Variants in HTR2C observed in about 807,000 individuals in gnomAD.
HTR2C encodes 5-hydroxytryptamine (serotonin) receptor 2C, G protein-coupled.
HTR2C carries 5 observed loss-of-function variants against 21.0 expected under a neutral mutation model. The ratio of observed to expected loss-of-function variants is 0.24; its 90% CI spans 0.12 to 0.50. The LOEUF is 0.50. Among genes scored for constraint, HTR2C ranks in the 20% least tolerant of loss-of-function variants. The pLI, the probability that HTR2C is intolerant of heterozygous loss-of-function variation, is 0.98. For missense variants in HTR2C, 271 were observed against 371.2 expected (o/e 0.73, Z 2.22); for synonymous variants, 150 against 145.3 (o/e 1.03, Z -0.23).
At chrX:114,803,000 T>G (rs1459727474) in intron 4 of HTR2C, among the ~76,000 whole-genome samples, 4 of 82,962 alleles carry the variant, frequency 4.8e-5, no homozygotes, top group Non-Finnish European at 9.3e-5. Flanking sequence ...TTTGTTCTTG[T>G]GATAGTTTAC....
rs1178968836 is a variant in HTR2C, at chrX:114,831,750, G to A, written c.350-16253G>A. ...GGCTTTTGTTGCCATTGCTTTTGATGTTTTAGACATGAAGTCCTTGCCCAT... is the reference window on the plus strand; with the variant it reads ...GGCTTTTGTTGCCATTGCTTTTGATATTTTAGACATGAAGTCCTTGCCCAT... On this transcript the variant is annotated intron_variant, in intron 4 of 5. Transcript: ENST00000276198. Among the ~76,000 whole-genome samples, 78 of 106,369 alleles carry A rather than the reference G, an allele frequency of 7.3e-4. 1 individual carries two copies. Among genetic ancestry groups the A allele is most frequent in the African/African-American group, 2.6e-3 (75 of 29,180 alleles). 92.4% of individuals were successfully genotyped at this position (106,369 alleles called of 115,157 possible).
At chrX:114,809,667 C>T (rs1056268945) in intron 4 of HTR2C, among the ~76,000 whole-genome samples, 1 of 110,810 alleles carries the variant, frequency 9.0e-6, no homozygotes, top group Non-Finnish European at 1.9e-5. Context: ...TTCATTCAGG[C>T]CAGTGGGCTC....
At chrX:114,878,422 T>C (rs1161870643) in intron 5 of HTR2C, among the ~76,000 whole-genome samples, 4 of 111,119 alleles carry the variant, frequency 3.6e-5, no homozygotes, top group Admixed American at 9.6e-5. Flanking sequence ...AGTTTTTCAT[T>C]AATGTCCACT....
chrX:114,845,550 A>G (rs1235826399), intron 4 of HTR2C, among the ~76,000 whole-genome samples: 1 of 111,505 alleles, frequency 9.0e-6, no homozygotes. Context: ...TAGGAAAAAT[A>G]TAAGGACAAT....
At chrX:114,873,984 C>G (rs2071112178) in intron 5 of HTR2C, among the ~76,000 whole-genome samples, 1 of 110,466 alleles carries the variant, frequency 9.1e-6, no homozygotes, top group African/African-American at 3.3e-5. Flanking sequence ...TCTCTGCTCC[C>G]GTGAGTTACA....
At chrX:114,825,798 CTGTTATTATATTTTAAA>C (rs1188175822) in intron 4 of HTR2C, among the ~76,000 whole-genome samples, 11 of 111,124 alleles carry the variant, frequency 9.9e-5, no homozygotes, top group Non-Finnish European at 1.7e-4. Flanking sequence ...TTTTGAAGCC[CTGTTATTATATTTTAAA>C]TGTTATTATA....
intron 4 of HTR2C, among the ~76,000 whole-genome samples, chrX:114,749,698 TAAAAAACAAAAACAACA>T (rs1340526207): frequency 9.1e-6 from 1 of 109,444 alleles, no homozygotes; most frequent in Non-Finnish European, 1.9e-5. Flanking sequence ...AAGACACTGT[TAAAAAACAAAAACAACA>T]AAAAAACAAA....
intron 2 of HTR2C, among the ~76,000 whole-genome samples, chrX:114,669,259 T>A (rs1242900976): frequency 8.1e-5 from 9 of 111,751 alleles, no homozygotes; most frequent in Non-Finnish European, 1.5e-4. Context: ...CTAAGAACCA[T>A]ATACACACAA....
intron 5 of HTR2C, among the ~76,000 whole-genome samples, chrX:114,854,091 A>T (rs1295207735): frequency 2.7e-5 from 3 of 111,106 alleles, no homozygotes; most frequent in African/African-American, 9.8e-5. Context: ...GCTTTACCAC[A>T]AACCAAATCT....
intron 2 of HTR2C, among the ~76,000 whole-genome samples, chrX:114,641,510 T>C (rs190873389): frequency 2.1e-3 from 235 of 111,358 alleles, no homozygotes; most frequent in South Asian, 4.1e-3. Context: ...ATTTGATTAG[T>C]TTTCAAAGTA....
intron 5 of HTR2C, among the ~76,000 whole-genome samples, chrX:114,848,883 C>G (rs1444910212): frequency 9.0e-6 from 1 of 111,200 alleles, no homozygotes; most frequent in African/African-American, 3.3e-5. Context: ...ATATTAAAGC[C>G]AAGAAATTTA....
At chrX:114,738,932 A>T in intron 4 of HTR2C, among the ~76,000 whole-genome samples, 1 of 110,747 alleles carries the variant, frequency 9.0e-6, no homozygotes. Flanking sequence ...TAACATTATT[A>T]CTAATAAGCA....
intron 4 of HTR2C, among the ~76,000 whole-genome samples, chrX:114,771,517 A>G (rs2070003550): frequency 9.0e-6 from 1 of 111,311 alleles, no homozygotes; most frequent in Non-Finnish European, 1.9e-5. Context: ...ACAAGTCAAT[A>G]TTAGCTTTTA....
chrX:114,606,944 A>C (rs1308182427), intron 1 of HTR2C, among the ~76,000 whole-genome samples: 1 of 108,636 alleles, frequency 9.2e-6, no homozygotes, highest in Non-Finnish European at 1.9e-5. Flanking sequence ...GGGTAGGTAA[A>C]GGAAAATTAC....
At chrX:114,622,696 G>T (rs1290871180) in intron 2 of HTR2C, among the ~76,000 whole-genome samples, 1 of 111,856 alleles carries the variant, frequency 8.9e-6, no homozygotes, top group Non-Finnish European at 1.9e-5. Flanking sequence ...TATTTATCCA[G>T]ATCTCCTCCA....
At chrX:114,658,544 T>C (rs1930868031) in intron 2 of HTR2C, among the ~76,000 whole-genome samples, 1 of 111,547 alleles carries the variant, frequency 9.0e-6, no homozygotes. Context: ...GGGTTTCTAT[T>C]TTATCTCTTG....
At chrX:114,793,527 C>T (rs1602791026) in intron 4 of HTR2C, among the ~76,000 whole-genome samples, 1 of 111,622 alleles carries the variant, frequency 9.0e-6, no homozygotes, top group East Asian at 2.8e-4. Context: ...AAAGAATAAT[C>T]TTTTCATTAC....
intron 4 of HTR2C, among the ~76,000 whole-genome samples, chrX:114,754,839 C>T (rs1223413608): frequency 9.0e-6 from 1 of 111,678 alleles, no homozygotes; most frequent in East Asian, 2.8e-4. Flanking sequence ...ATTGGAAAAC[C>T]ATCTACAGGG....
intron 2 of HTR2C, among the ~76,000 whole-genome samples, chrX:114,676,119 C>A (rs1449677654): frequency 2.7e-5 from 3 of 111,244 alleles, no homozygotes; most frequent in Non-Finnish European, 5.7e-5. Context: ...ATCCACCCAC[C>A]TTGGCCTCCC....
Sources: gnomAD v4.1 joint callset for allele counts (sites outside exome capture counted in the v4.1 genomes callset) on GRCh38, gnomAD v4.1.1 for gene constraint, MANE v1.5 for transcripts, NCBI Gene and HGNC (gene_info 2026-07-23, HGNC 2026-07-21) for gene names.